The following RERE variants were observed in gnomAD, a reference collection of about 807,000 sequenced individuals.
The protein encoded by RERE is arginine-glutamic acid dipeptide repeats protein.
In RERE, 40 loss-of-function variants were observed where a neutral mutation model predicts 146.1. That is an observed-to-expected ratio of 0.27 (90% CI 0.21 to 0.36). The LOEUF (loss-of-function observed/expected upper bound fraction) is 0.36. RERE is among the 10% of genes least tolerant of loss of function. The probability of loss-of-function intolerance (pLI) is 1.00; values close to 1 mark genes in which losing one functional copy is unlikely to be tolerated. For missense variants in RERE, 1,933 were observed against 2,138.7 expected (o/e 0.90, Z 1.90); for synonymous variants, 1,003 against 866.0 (o/e 1.16, Z -2.78).
rs540042167 is a variant in RERE, at chr1:8,412,110, C to T, written c.1284+10617G>A. 2.6e-5 allele frequency among the ~76,000 whole-genome samples: 4 copies of T among 152,286 alleles called. No individual in the cohort carries two copies. The East Asian group carries it at 5.8e-4, about 22-fold the overall frequency. ...AAATCCCAAAGGTGCTGGACAGATGCTGCTCCGGCCCCGAAAATAATCAAA... is the reference window on the plus strand; with the variant it reads ...AAATCCCAAAGGTGCTGGACAGATGTTGCTCCGGCCCCGAAAATAATCAAA... On this transcript the variant is annotated intron_variant, in intron 12 of 22. Coordinates refer to ENST00000400908, the MANE Select transcript of RERE (RefSeq NM_001042681.2).
chr1:8,732,467 T>C (rs1360456746), intron 1 of RERE, among the ~76,000 whole-genome samples: 2 of 152,128 alleles, frequency 1.3e-5, no homozygotes, highest in Admixed American at 6.6e-5. Flanking sequence ...ACTATAGAGA[T>C]AGTAAAAGGA....
rs543001061 is a variant in RERE at position 8,534,065 on chromosome 1, C to T, written c.830+7149G>A. Among the ~76,000 whole-genome samples, 8 of 152,298 alleles carry T rather than the reference C, an allele frequency of 5.3e-5. No homozygotes were observed. In the South Asian group the frequency reaches 1.7e-3, roughly 32 times the overall value. ...CAAACAGGAAAAAATTTGTATCCAG[C>T]TCTAGCTGCTCATCTTCAAAAGCTA... is the stretch of plus-strand genomic sequence containing the variant. On this transcript the variant is annotated intron_variant, in intron 7 of 22. Coordinates refer to ENST00000400908, the MANE Select transcript of RERE (RefSeq NM_001042681.2).
intron 1 of RERE, among the ~76,000 whole-genome samples, chr1:8,704,533 C>G (rs1003562996): frequency 1.3e-5 from 2 of 152,184 alleles, no homozygotes; most frequent in Non-Finnish European, 2.9e-5. Flanking sequence ...GCTGCATTAT[C>G]AGGTACTCTC....
chr1:8,604,677 T>G (rs959649495), intron 4 of RERE, among the ~76,000 whole-genome samples: 3 of 121,168 alleles, frequency 2.5e-5, no homozygotes, highest in East Asian at 2.9e-4. Context: ...AGGAAGGAAG[T>G]CCACATATCT....
intron 7 of RERE, among the ~76,000 whole-genome samples, chr1:8,534,512 CAGA>C (rs1645699406): frequency 6.6e-6 from 1 of 152,114 alleles, no homozygotes; most frequent in Admixed American, 6.5e-5. Context: ...CTCTGTTTCT[CAGA>C]AGGTCAGAGA....
At position 8,805,007 on chromosome 1, in the gene RERE, G is replaced by GTTTTTTTTTTTTTTTTTTTTTT. The variant is rs1557553356; in HGVS notation, c.-145+12152_-145+12153insAAAAAAAAAAAAAAAAAAAAAA. 1.1e-4 allele frequency among the ~76,000 whole-genome samples: 7 copies of GTTTTTTTTTTTTTTTTTTTTTT among 61,364 alleles called. 2 individuals are homozygous for GTTTTTTTTTTTTTTTTTTTTTT. The highest frequency in any genetic ancestry group is 5.2e-4 in the South Asian group (1 of 1,920). 40.3% of individuals were successfully genotyped at this position (61,364 alleles called of 152,430 possible). A position where few individuals can be genotyped will look rare whatever the true frequency, so the allele number is the denominator to read the frequency against. On this transcript the variant is annotated intron_variant, in intron 1 of 22. Coordinates refer to ENST00000400908, the MANE Select transcript of RERE (RefSeq NM_001042681.2). ...ATTTTTTTTGTTTTGTTTTGTTTTT[G>GTTTTTTTTTTTTTTTTTTTTTT]GTTTTTTTTTTTTTTTTTTTTGAGA... is the stretch of plus-strand genomic sequence containing the variant.
At chr1:8,366,683 G>A (rs1426335880) in intron 12 of RERE, among the ~76,000 whole-genome samples, 2 of 152,198 alleles carry the variant, frequency 1.3e-5, no homozygotes, top group East Asian at 1.9e-4. Context: ...TGGTGCTGAT[G>A]CAAAGGTGAA....
rs1344233860 is a variant in RERE at position 8,501,030 on chromosome 1, GA to G, written c.880-3502del. On this transcript the variant is annotated intron_variant, in intron 8 of 22. Coordinates refer to ENST00000400908, the MANE Select transcript of RERE (RefSeq NM_001042681.2). ...TCCGCCCGGCAGCCACCCCGTCCGGGAGGGGGGGGGGGGGTCAGCCCCCCGC... is the reference window on the plus strand; with the variant it reads ...TCCGCCCGGCAGCCACCCCGTCCGGGGGGGGGGGGGGGGTCAGCCCCCCGC... Among the ~76,000 whole-genome samples, 689 of 70,264 alleles carry G rather than the reference GA, an allele frequency of 9.8e-3. 60 individuals are homozygous for G. The highest frequency in any genetic ancestry group is 0.022 in the East Asian group (33 of 1,470). 46.1% of individuals were successfully genotyped at this position (70,264 alleles called of 152,430 possible). A position where few individuals can be genotyped will look rare whatever the true frequency, so the allele number is the denominator to read the frequency against.
chr1:8,727,427 C>A (rs1639994144), intron 1 of RERE, among the ~76,000 whole-genome samples: 1 of 152,202 alleles, frequency 6.6e-6, no homozygotes, highest in South Asian at 2.1e-4. Flanking sequence ...CAGATGTGAG[C>A]CACCGCATCT....
chr1:8,771,396 C>T (rs1036012098), intron 1 of RERE, among the ~76,000 whole-genome samples: 1 of 151,824 alleles, frequency 6.6e-6, no homozygotes, highest in African/African-American at 2.4e-5. Context: ...TGATGGCGCA[C>T]ACCTGAGGTC....
chr1:8,480,201 G>A (rs1644815994), intron 10 of RERE, among the ~76,000 whole-genome samples: 2 of 132,398 alleles, frequency 1.5e-5, no homozygotes, highest in African/African-American at 5.7e-5. Context: ...GTGCACTGAT[G>A]TCATCTCGGC....
intron 12 of RERE, among the ~76,000 whole-genome samples, chr1:8,386,985 A>C (rs1204997594): frequency 6.6e-6 from 1 of 152,238 alleles, no homozygotes; most frequent in East Asian, 1.9e-4. Context: ...TTGTGGAACA[A>C]GACAAGCTGA....
intron 15 of RERE, 44 bp from the exon 16 acceptor site, chr1:8,362,888 C>T (rs1373518643): frequency 1.9e-6 from 3 of 1,577,488 alleles, no homozygotes; most frequent in African/African-American, 2.7e-5. Flanking sequence ...ATTCCCAGTC[C>T]CCATGTGGAC....
intron 1 of RERE, among the ~76,000 whole-genome samples, chr1:8,694,977 G>GGGAT (rs1553135217): frequency 1.6e-5 from 2 of 127,536 alleles, no homozygotes; most frequent in East Asian, 4.5e-4. Context: ...ATCCTAAGGG[G>GGGAT]GGGGGGGGAA....
intron 2 of RERE, among the ~76,000 whole-genome samples, chr1:8,638,902 T>C (rs1281926963): frequency 6.7e-6 from 1 of 150,000 alleles, no homozygotes; most frequent in Non-Finnish European, 1.5e-5. Flanking sequence ...GCCTTCTGAG[T>C]AGCTGGGACT....
intron 2 of RERE, among the ~76,000 whole-genome samples, chr1:8,652,911 G>T (rs1395923940): frequency 6.6e-6 from 1 of 152,150 alleles, no homozygotes; most frequent in Non-Finnish European, 1.5e-5. Context: ...ATAGAGCACT[G>T]CAACCTTGAC....
Position 8,497,360 on chromosome 1 carries a change from A to G in RERE, c.1004+45T>C, listed in dbSNP as rs1645058985. 12 of 1,610,436 alleles carry G rather than the reference A, an allele frequency of 7.5e-6. No individual in the cohort carries two copies. In the East Asian group the frequency reaches 1.1e-4, roughly 15 times the overall value. On this transcript the variant is annotated intron_variant, in intron 9 of 22. Transcript: ENST00000400908. ...AAAGTTTACTGCCTATAATCAGTTC[A>G]GATGGTCTAATTCAGAAAGCAGGAT...
intron 1 of RERE, among the ~76,000 whole-genome samples, chr1:8,788,024 G>A (rs556457358): frequency 1.3e-5 from 2 of 152,152 alleles, no homozygotes; most frequent in Admixed American, 1.3e-4. Context: ...CTTGAGCCCG[G>A]GAGGTCAAGG....
chr1:8,609,950 G>A (rs781023823), intron 4 of RERE, among the ~76,000 whole-genome samples: 5 of 151,780 alleles, frequency 3.3e-5, no homozygotes, highest in African/African-American at 4.8e-5. Flanking sequence ...TCATTTTTTC[G>A]CAGAGATGGG....
Sources: allele counts gnomAD v4.1 joint callset (sites outside exome capture counted in the v4.1 genomes callset), GRCh38; gene constraint gnomAD v4.1.1; transcripts MANE v1.5; gene names NCBI Gene and HGNC (gene_info 2026-07-23, HGNC 2026-07-21).